Variants in ACBD6 observed in about 807,000 individuals in gnomAD.
ACBD6 encodes acyl-CoA-binding domain-containing protein 6.
A neutral mutation model predicts 37.2 loss-of-function variants in ACBD6; 28 were observed. That is an observed-to-expected ratio of 0.75 (90% confidence interval 0.56 to 1.03). The LOEUF is 1.03. Ranked by LOEUF, ACBD6 falls within the 50% of genes least tolerant of loss-of-function variation. The pLI is 0.00. For missense variants in ACBD6, 340 were observed against 337.4 expected (o/e 1.01, Z -0.06); for synonymous variants, 113 against 126.8 (o/e 0.89, Z 0.73).
intron 3 of ACBD6, among the ~76,000 whole-genome samples, chr1:180,480,660 A>G (rs1326567284): frequency 1.3e-5 from 2 of 152,352 alleles, no homozygotes; most frequent in Non-Finnish European, 1.5e-5. Context: ...TCTTCAAGTC[A>G]AATGGAGCTT....
At chr1:180,372,079 T>C (rs1293250117) in intron 6 of ACBD6, among the ~76,000 whole-genome samples, 1 of 152,136 alleles carries the variant, frequency 6.6e-6, no homozygotes, top group Non-Finnish European at 1.5e-5. Flanking sequence ...GTGATGATGA[T>C]GGATAAACAA....
chr1:180,467,049 CA>C (rs1302132355), intron 3 of ACBD6, among the ~76,000 whole-genome samples: 4 of 152,078 alleles, frequency 2.6e-5, no homozygotes, highest in African/African-American at 4.8e-5. Flanking sequence ...ATCTCTTAAA[CA>C]TATTTGTTCT....
chr1:180,338,862 T>G (rs1441111610), intron 6 of ACBD6, among the ~76,000 whole-genome samples: 1 of 152,058 alleles, frequency 6.6e-6, no homozygotes, highest in African/African-American at 2.4e-5. Context: ...CATCAAAAAG[T>G]GGGCAAAGGG....
intron 3 of ACBD6, among the ~76,000 whole-genome samples, chr1:180,484,022 T>G (rs1651159356): frequency 6.6e-6 from 1 of 152,212 alleles, no homozygotes; most frequent in African/African-American, 2.4e-5. Flanking sequence ...AACACATCTT[T>G]TTGTCCAGAG....
intron 3 of ACBD6, among the ~76,000 whole-genome samples, chr1:180,452,854 A>C (rs1440487622): frequency 2.0e-5 from 3 of 152,218 alleles, no homozygotes; most frequent in Non-Finnish European, 4.4e-5. Flanking sequence ...CCCTCCCAAG[A>C]CTAAATCAGG....
intron 1 of ACBD6, among the ~76,000 whole-genome samples, chr1:180,500,724 G>C (rs1412198989): frequency 6.7e-6 from 1 of 150,088 alleles, no homozygotes; most frequent in East Asian, 2.0e-4. Flanking sequence ...TGTCAGCCAG[G>C]TGCAGTGGCT....
chr1:180,321,263 T>C (rs1470892891), intron 6 of ACBD6, among the ~76,000 whole-genome samples: 2 of 152,234 alleles, frequency 1.3e-5, no homozygotes, highest in Non-Finnish European at 1.5e-5. Context: ...AGCATAGCTT[T>C]GGCTATACTG....
intron 6 of ACBD6, among the ~76,000 whole-genome samples, chr1:180,318,480 G>A (rs1232905976): frequency 6.6e-6 from 1 of 151,992 alleles, no homozygotes. Context: ...TTTAAGGGGG[G>A]TTTTATCTTT....
At chr1:180,440,452 T>A (rs2102012328) in intron 3 of ACBD6, among the ~76,000 whole-genome samples, 2 of 152,338 alleles carry the variant, frequency 1.3e-5, no homozygotes, top group Middle Eastern at 6.8e-3. Context: ...TGTATTGACA[T>A]GAGATTCACA....
intron 5 of ACBD6, among the ~76,000 whole-genome samples, chr1:180,410,166 GA>G (rs1647797778): frequency 6.6e-6 from 1 of 152,248 alleles, no homozygotes; most frequent in Non-Finnish European, 1.5e-5. Context: ...GGCTGCAGAA[GA>G]AAAGTCTGAA....
chr1:180,401,103 G>A (rs1195108745), intron 5 of ACBD6, among the ~76,000 whole-genome samples: 1 of 152,108 alleles, frequency 6.6e-6, no homozygotes, highest in East Asian at 1.9e-4. Flanking sequence ...AAATATCCCA[G>A]AAGTATTCAG....
At chr1:180,299,593 A>G (rs1477421779) in intron 7 of ACBD6, among the ~76,000 whole-genome samples, 1 of 151,926 alleles carries the variant, frequency 6.6e-6, no homozygotes. Context: ...TTTTCACTCT[A>G]ATGCCTCCTC....
At chr1:180,437,410 G>A (rs1167227399) in intron 3 of ACBD6, among the ~76,000 whole-genome samples, 5 of 152,206 alleles carry the variant, frequency 3.3e-5, no homozygotes, top group Non-Finnish European at 4.4e-5. Context: ...AGGATACCCA[G>A]TTGGTGTCTG....
intron 3 of ACBD6, among the ~76,000 whole-genome samples, chr1:180,452,287 T>C (rs938972441): frequency 1.3e-5 from 2 of 151,994 alleles, no homozygotes; most frequent in South Asian, 2.1e-4. Flanking sequence ...CTGGCCAATA[T>C]AGTGAAACCT....
At chr1:180,443,906 A>G (rs1223498152) in intron 3 of ACBD6, among the ~76,000 whole-genome samples, 1 of 151,542 alleles carries the variant, frequency 6.6e-6, no homozygotes, top group East Asian at 1.9e-4. Context: ...TATAGGTGTG[A>G]GCCATCGTGC....
chr1:180,339,724 T>G (rs998204018), intron 6 of ACBD6, among the ~76,000 whole-genome samples: 8 of 151,948 alleles, frequency 5.3e-5, no homozygotes, highest in Admixed American at 5.3e-4. Context: ...ATCAACTACG[T>G]GTTAGGCACT....
chr1:180,445,962 T>C (rs1344673512), intron 3 of ACBD6, among the ~76,000 whole-genome samples: 2 of 152,116 alleles, frequency 1.3e-5, no homozygotes, highest in Admixed American at 1.3e-4. Context: ...CATTATTACA[T>C]ACTGACAATA....
chr1:180,422,533 C>A (rs768178761), intron 4 of ACBD6, among the ~76,000 whole-genome samples: 1 of 152,172 alleles, frequency 6.6e-6, no homozygotes, highest in Non-Finnish European at 1.5e-5. Context: ...TTACAGAAGT[C>A]CGTAATGCTC....
At chr1:180,418,321 T>C (rs760276063) in intron 4 of ACBD6, among the ~76,000 whole-genome samples, 1 of 152,150 alleles carries the variant, frequency 6.6e-6, no homozygotes, top group Non-Finnish European at 1.5e-5. Context: ...CTCACACCTA[T>C]AATCCCAGCA....
Sources: allele counts gnomAD v4.1 joint callset (sites outside exome capture counted in the v4.1 genomes callset), GRCh38; gene constraint gnomAD v4.1.1; transcripts MANE v1.5; gene names NCBI Gene and HGNC (gene_info 2026-07-23, HGNC 2026-07-21).